ACOT1: variants seen among roughly 807,000 people sequenced by gnomAD.
ACOT1 encodes the protein acyl-CoA thioesterase 1.
A neutral mutation model predicts 15.7 loss-of-function variants in ACOT1; 8 were observed. The ratio of observed to expected loss-of-function variants is 0.51; its 90% CI spans 0.30 to 0.92. ACOT1 has a LOEUF of 0.92. Among genes scored for constraint, ACOT1 ranks in the 40% least tolerant of loss-of-function variants. ACOT1 has a pLI of 0.06. For synonymous variants in ACOT1, 67 were observed against 241.2 expected (o/e 0.28, Z 6.69); for missense variants, 151 against 539.4 (o/e 0.28, Z 7.13).
At chr14:73,519,177 A>C in the ACOT1 span, 1 of 1,607,874 alleles carries the variant, frequency 6.2e-7, no homozygotes, top group Non-Finnish European at 8.5e-7. Flanking sequence ...TGAACAGACA[A>C]AGAAACAATG....
chr14:73,537,600 T>G lies in ACOT1; in HGVS notation c.179T>G (p.Leu60Arg). 8.2e-7 allele frequency: 1 copy of G among 1,223,012 alleles called. No homozygotes were observed. Among genetic ancestry groups the G allele is most frequent in the Non-Finnish European group, 1.1e-6 (1 of 930,124 alleles). 75.8% of individuals were successfully genotyped at this position (1,223,012 alleles called of 1,614,324 possible). Residue 60 changes from leucine to arginine, a missense_variant, in exon 1 of 3, where the codon CTG becomes CGG. By Grantham distance (102) the Leu-to-Arg change is moderately radical. Coordinates refer to ENST00000311148, the MANE Select transcript of ACOT1 (RefSeq NM_001037161.2). Reference protein sequence around the residue: ...ARYRADTLGELDLERAPALGG... With the variant: ...ARYRADTLGERDLERAPALGG... ...TACCGCGCCGACACCCTTGGCGAGC[T>G]GGACCTGGAGCGCGCGCCCGCGCTG...
At chr14:73,542,282 G>GCCA (rs542513389) in intron 2 of ACOT1, among the ~76,000 whole-genome samples, 1,694 of 110,498 alleles carry the variant, frequency 0.015, 498 homozygotes, top group Middle Eastern at 0.057. Flanking sequence ...ACAGGCATGA[G>GCCA]CCACCACACC....
the ACOT1 span, chr14:73,499,103 G>C: frequency 6.2e-7 from 1 of 1,614,180 alleles, no homozygotes; most frequent in Non-Finnish European, 8.5e-7. Context: ...TTTCCAGTAA[G>C]GATCTCTCTG....
At chr14:73,525,969 G>T in the ACOT1 span, among the ~76,000 whole-genome samples, 2 of 137,744 alleles carry the variant, frequency 1.5e-5, no homozygotes, top group South Asian at 4.6e-4. Flanking sequence ...AAAAAAAAAA[G>T]CATCTTCATA....
At chr14:73,524,310 A>AAAAAAATATATATAT in the ACOT1 span, among the ~76,000 whole-genome samples, 17 of 54,774 alleles carry the variant, frequency 3.1e-4, no homozygotes, top group East Asian at 9.0e-4. Context: ...AAAAAAAAAA[A>AAAAAAATATATATAT]ATATATATAT....
the ACOT1 span, chr14:73,509,491 A>T: frequency 1.2e-6 from 2 of 1,612,968 alleles, no homozygotes; most frequent in Non-Finnish European, 1.7e-6. Context: ...CAAAAGAGCC[A>T]GGTAAGAGAG....
At chr14:73,504,642 G>A in the ACOT1 span, among the ~76,000 whole-genome samples, 2 of 152,128 alleles carry the variant, frequency 1.3e-5, no homozygotes, top group Non-Finnish European at 2.9e-5. Flanking sequence ...ACTAACCCAA[G>A]TCCAAAACCT....
At chr14:73,511,593 G>A in the ACOT1 span, among the ~76,000 whole-genome samples, 1,797 of 150,632 alleles carry the variant, frequency 0.012, 33 homozygotes, top group African/African-American at 0.042. Context: ...ATGGGCTCTT[G>A]GCTGGGCACA....
chr14:73,495,443 C>G, the ACOT1 span: 2 of 1,404,620 alleles, frequency 1.4e-6, no homozygotes, highest in Non-Finnish European at 2.0e-6. Flanking sequence ...TACTAGGCAG[C>G]AAATTATCAA....
At chr14:73,503,672 T>C in the ACOT1 span, among the ~76,000 whole-genome samples, 3 of 152,338 alleles carry the variant, frequency 2.0e-5, no homozygotes, top group East Asian at 5.8e-4. Context: ...ATCTCCTTAG[T>C]GAAGTCTTCT....
At chr14:73,524,441 T>C in the ACOT1 span, among the ~76,000 whole-genome samples, 845 of 150,800 alleles carry the variant, frequency 5.6e-3, 57 homozygotes, top group South Asian at 0.12. Context: ...ACACTGTAGA[T>C]AACAAATGCT....
the ACOT1 span, chr14:73,522,733 G>A: frequency 6.2e-7 from 1 of 1,614,222 alleles, no homozygotes; most frequent in Admixed American, 1.7e-5. Context: ...GATTGGCAGA[G>A]CTTTCTGTCT....
chr14:73,495,420 A>G, the ACOT1 span: 3 of 1,573,126 alleles, frequency 1.9e-6, no homozygotes, highest in Non-Finnish European at 2.6e-6. Context: ...TGAAAAACAA[A>G]ACAAAACACC....
the ACOT1 span, chr14:73,508,003 C>T: frequency 7.1e-5 from 59 of 828,230 alleles, no homozygotes; most frequent in African/African-American, 9.1e-4. Context: ...GCCTCGGCCT[C>T]CCGAAGTGTT....
At chr14:73,522,610 T>C in the ACOT1 span, 3 of 1,614,188 alleles carry the variant, frequency 1.9e-6, no homozygotes, top group Non-Finnish European at 2.5e-6. Flanking sequence ...GGTTCACATC[T>C]AGAGAAGGTG....
the ACOT1 span, among the ~76,000 whole-genome samples, chr14:73,497,300 A>G: frequency 6.6e-6 from 1 of 152,062 alleles, no homozygotes. Flanking sequence ...TCAGCCTCCC[A>G]AAGTGTTGGG....
chr14:73,515,476 T>G, the ACOT1 span, among the ~76,000 whole-genome samples: 4 of 151,836 alleles, frequency 2.6e-5, no homozygotes, highest in Admixed American at 2.6e-4. Flanking sequence ...GGTCACAAGT[T>G]CGAGACCAGC....
chr14:73,523,226 T>C, the ACOT1 span: 2 of 1,419,140 alleles, frequency 1.4e-6, no homozygotes, highest in Non-Finnish European at 1.9e-6. Flanking sequence ...ACCTGGCACC[T>C]GTTAAGGGAA....
chr14:73,527,797 G>A, the ACOT1 span, among the ~76,000 whole-genome samples: 1 of 151,714 alleles, frequency 6.6e-6, no homozygotes, highest in Non-Finnish European at 1.5e-5. Context: ...GGCCAACATG[G>A]CGAAACCCCA....
Sources: gnomAD v4.1 joint callset for allele counts (sites outside exome capture counted in the v4.1 genomes callset) on GRCh38, gnomAD v4.1.1 for gene constraint, MANE v1.5 for transcripts, NCBI Gene and HGNC (gene_info 2026-07-23, HGNC 2026-07-21) for gene names.